Variants in NRG2 observed in about 807,000 individuals in gnomAD.
NRG2 encodes pro-neuregulin-2, membrane-bound isoform.
In NRG2, 27 loss-of-function variants were observed where a neutral mutation model predicts 73.9. The observed-to-expected ratio is 0.37, with a 90% CI of 0.27 to 0.50. The LOEUF (loss-of-function observed/expected upper bound fraction) is 0.50, where lower values mean the gene tolerates loss of function less well. Among genes scored for constraint, NRG2 ranks in the 20% least tolerant of loss-of-function variants. The probability of loss-of-function intolerance (pLI) is 0.96; values close to 1 mark genes in which losing one functional copy is unlikely to be tolerated. For synonymous variants in NRG2, 532 were observed against 541.0 expected (o/e 0.98, Z 0.23); for missense variants, 1,126 against 1,210.1 (o/e 0.93, Z 1.03).
chr5:139,850,975 CCT>C (rs776566264), intron 9 of NRG2, among the ~76,000 whole-genome samples: 50 of 152,078 alleles, frequency 3.3e-4, no homozygotes, highest in Non-Finnish European at 4.7e-4. Context: ...CAGAACAGCC[CCT>C]GTTTGTTCTT....
rs372734277 is a variant in NRG2, at chr5:140,016,176, G to A, written c.700+26194C>T. ...CTGGAGAACATAGAGGTTGTCACTTGTAGGAGAGGCAGAAGGGGTGGTGGT... is the reference window on the plus strand; with the variant it reads ...CTGGAGAACATAGAGGTTGTCACTTATAGGAGAGGCAGAAGGGGTGGTGGT... On this transcript the variant is annotated intron_variant, in intron 1 of 9. Coordinates refer to ENST00000361474, the MANE Select transcript of NRG2 (RefSeq NM_004883.3). 1.4e-4 allele frequency among the ~76,000 whole-genome samples: 22 copies of A among 152,316 alleles called. No individual in the cohort carries two copies. The South Asian group carries it at 2.7e-3, about 19-fold the overall frequency.
intron 1 of NRG2, among the ~76,000 whole-genome samples, chr5:140,017,077 A>G (rs1759844876): frequency 6.6e-6 from 1 of 152,266 alleles, no homozygotes; most frequent in Non-Finnish European, 1.5e-5. Flanking sequence ...ATATAAAAAG[A>G]CCAGCTATGA....
At chr5:139,934,794 G>T (rs1752722858) in intron 1 of NRG2, among the ~76,000 whole-genome samples, 1 of 152,200 alleles carries the variant, frequency 6.6e-6, no homozygotes, top group South Asian at 2.1e-4. Context: ...ACAAGACAAG[G>T]TATATGTCAG....
chr5:140,024,757 T>C (rs896762797), intron 1 of NRG2, among the ~76,000 whole-genome samples: 1 of 152,144 alleles, frequency 6.6e-6, no homozygotes, highest in Non-Finnish European at 1.5e-5. Flanking sequence ...TGGAAGCGGC[T>C]CGGGTTTGAG....
At chr5:139,964,992 T>C (rs1450068071) in intron 1 of NRG2, among the ~76,000 whole-genome samples, 1 of 152,356 alleles carries the variant, frequency 6.6e-6, no homozygotes, top group East Asian at 1.9e-4. Context: ...TCTCCCAGCT[T>C]AAGGGGAAAC....
At chr5:140,002,893 T>A (rs956273697) in intron 1 of NRG2, among the ~76,000 whole-genome samples, 21 of 152,192 alleles carry the variant, frequency 1.4e-4, no homozygotes, top group Admixed American at 2.0e-4. Flanking sequence ...TCTGGATGTA[T>A]TCTGAAGGTA....
chr5:139,982,040 C>T (rs1756839818), intron 1 of NRG2, among the ~76,000 whole-genome samples: 1 of 152,134 alleles, frequency 6.6e-6, no homozygotes, highest in South Asian at 2.1e-4. Flanking sequence ...TTAGAAGAGA[C>T]CTTACATGGT....
chr5:140,021,586 A>G (rs571910503), intron 1 of NRG2, among the ~76,000 whole-genome samples: 52 of 152,318 alleles, frequency 3.4e-4, no homozygotes, highest in African/African-American at 1.2e-3. Flanking sequence ...TCAATAAAAT[A>G]TCACCTCTGC....
intron 1 of NRG2, among the ~76,000 whole-genome samples, chr5:139,892,312 G>A (rs1764263451): frequency 6.6e-6 from 1 of 152,204 alleles, no homozygotes; most frequent in Non-Finnish European, 1.5e-5. Flanking sequence ...GGTTTTGTAG[G>A]TGTGCTGGGA....
chr5:139,904,181 C>G lies in NRG2; in HGVS notation c.701-16670G>C. ...GCTCGCACGCAGGCACGCGCGCCCT[C>G]GGTGCCTGTCACCGCGGCGGCCGCT... On this transcript the variant is annotated intron_variant, in intron 1 of 9. Coordinates refer to ENST00000361474, the MANE Select transcript of NRG2 (RefSeq NM_004883.3). The surrounding 1 kb of genome is among the most constrained non-coding windows in gnomAD (Gnocchi z 6.0). 1 of 968,002 alleles carries G rather than the reference C, an allele frequency of 1.0e-6. No individual in the cohort carries two copies. The highest frequency in any genetic ancestry group is 1.4e-6 in the Non-Finnish European group (1 of 726,694). The allele number at this position is 968,002 out of a possible 1,614,324, so 60.0% of individuals were successfully genotyped here.
chr5:140,033,894 C>T (rs1418876233), intron 1 of NRG2, among the ~76,000 whole-genome samples: 1 of 151,938 alleles, frequency 6.6e-6, no homozygotes, highest in Non-Finnish European at 1.5e-5. Context: ...CTTCATTTTA[C>T]AGGAAACTAA....
At chr5:139,942,579 G>A (rs1471930091) in intron 1 of NRG2, among the ~76,000 whole-genome samples, 4 of 152,076 alleles carry the variant, frequency 2.6e-5, no homozygotes, top group African/African-American at 9.7e-5. Context: ...AATAATAAAT[G>A]GTCATTATTG....
chr5:140,032,245 T>C (rs142492123), intron 1 of NRG2, among the ~76,000 whole-genome samples: 1 of 152,252 alleles, frequency 6.6e-6, no homozygotes, highest in East Asian at 1.9e-4. Context: ...AAAGCTCAGG[T>C]GGCAAGTGAA....
intron 1 of NRG2, among the ~76,000 whole-genome samples, chr5:139,921,405 C>T (rs1235220569): frequency 6.6e-6 from 1 of 152,174 alleles, no homozygotes; most frequent in Non-Finnish European, 1.5e-5. Context: ...AGCAATAGAT[C>T]AGTAGAACAG....
chr5:139,866,730 AC>A (rs1272025681), intron 4 of NRG2, among the ~76,000 whole-genome samples: 1 of 151,816 alleles, frequency 6.6e-6, no homozygotes, highest in East Asian at 1.9e-4. Flanking sequence ...GCTCTAAAGC[AC>A]CCCCCACTCA....
At chr5:140,031,939 G>T (rs1324057883) in intron 1 of NRG2, among the ~76,000 whole-genome samples, 4 of 152,088 alleles carry the variant, frequency 2.6e-5, no homozygotes, top group Admixed American at 6.5e-5. Context: ...CATTTCAAGG[G>T]AATGGTGTAA....
At chr5:140,040,057 T>C (rs1255437735) in intron 1 of NRG2, among the ~76,000 whole-genome samples, 1 of 152,204 alleles carries the variant, frequency 6.6e-6, no homozygotes, top group Non-Finnish European at 1.5e-5. Flanking sequence ...TTTAACCACA[T>C]AGTAGAAAAC....
At chr5:139,849,526 C>T (rs1761265138) in intron 9 of NRG2, among the ~76,000 whole-genome samples, 1 of 152,154 alleles carries the variant, frequency 6.6e-6, no homozygotes, top group Admixed American at 6.5e-5. Flanking sequence ...GGCTGGATCC[C>T]GGGTACCTGT....
At chr5:139,848,739 C>A (rs1761205146) in intron 9 of NRG2, 42 bp from the exon 10 acceptor site, 1 of 653,770 alleles carries the variant, frequency 1.5e-6, no homozygotes, top group South Asian at 5.1e-5. Flanking sequence ...CCAGGCCGGG[C>A]CGGCGCGGGG....
Sources: allele counts gnomAD v4.1 joint callset (sites outside exome capture counted in the v4.1 genomes callset), GRCh38; gene constraint gnomAD v4.1.1; non-coding constraint Gnocchi (gnomAD v3.1); transcripts MANE v1.5; gene names NCBI Gene and HGNC (gene_info 2026-07-23, HGNC 2026-07-21).